PRDM10: variants seen among roughly 807,000 people sequenced by gnomAD.
The protein encoded by PRDM10 is PR domain zinc finger protein 10.
PRDM10 carries 65 observed loss-of-function variants against 133.1 expected under a neutral mutation model. The observed-to-expected ratio is 0.49, with a 90% confidence interval of 0.40 to 0.60. The LOEUF (loss-of-function observed/expected upper bound fraction) is 0.60, where lower values mean the gene tolerates loss of function less well. Among genes scored for constraint, PRDM10 ranks in the 20% least tolerant of loss-of-function variants. The pLI is 0.00. For missense variants in PRDM10, 1,137 were observed against 1,507.1 expected (o/e 0.75, Z 4.07); for synonymous variants, 582 against 580.4 (o/e 1.00, Z -0.04).
intron 1 of PRDM10, among the ~76,000 whole-genome samples, chr11:129,978,604 G>A (rs939375196): frequency 6.6e-6 from 1 of 152,218 alleles, no homozygotes; most frequent in African/African-American, 2.4e-5. Context: ...GCAGGTCTGA[G>A]ACGGTGACCT....
chr11:129,979,423 G>A (rs569105994), intron 1 of PRDM10, among the ~76,000 whole-genome samples: 7 of 152,276 alleles, frequency 4.6e-5, no homozygotes, highest in East Asian at 3.9e-4. Context: ...GCAGAGCAGC[G>A]CAGTTCGGAG....
chr11:129,964,989 A>G (rs551771186), intron 1 of PRDM10, among the ~76,000 whole-genome samples: 2 of 152,338 alleles, frequency 1.3e-5, no homozygotes, highest in South Asian at 4.1e-4. Context: ...CAGAATTTTC[A>G]AAACATTTTA....
intron 17 of PRDM10, among the ~76,000 whole-genome samples, chr11:129,913,026 C>A (rs554692995): frequency 6.6e-6 from 1 of 150,472 alleles, no homozygotes; most frequent in East Asian, 2.0e-4. Flanking sequence ...TGCCACTGGA[C>A]TCTAGCCCGG....
At chr11:129,907,083 A>G (rs146959806) in intron 19 of PRDM10, among the ~76,000 whole-genome samples, 20 of 152,284 alleles carry the variant, frequency 1.3e-4, no homozygotes, top group Non-Finnish European at 8.8e-5. Flanking sequence ...ACAAGAAGAG[A>G]GATGCCTGAA....
chr11:129,947,646 T>A lies in PRDM10; in HGVS notation c.295-276A>T. 1 of 1,064,930 alleles carries A rather than the reference T, an allele frequency of 9.4e-7. No homozygotes were observed. The highest frequency in any genetic ancestry group is 1.3e-6 in the Non-Finnish European group (1 of 778,192). 66.0% of individuals were successfully genotyped at this position (1,064,930 alleles called of 1,614,324 possible). On this transcript the variant is annotated intron_variant, in intron 4 of 20. Coordinates refer to ENST00000360871, the MANE Select transcript of PRDM10 (RefSeq NM_199437.2). This position sits in a 1 kb window ranked among gnomAD's most constrained non-coding sequence, Gnocchi z 4.6. ...CTGCTAAGAAGGCTCAGGTGCTCCCTCCTTTGGCAGCAGTGGGAGAGTCAA... is the reference window on the plus strand; with the variant it reads ...CTGCTAAGAAGGCTCAGGTGCTCCCACCTTTGGCAGCAGTGGGAGAGTCAA...
At chr11:129,985,780 C>CAAAAA (rs1159728991) in intron 1 of PRDM10, among the ~76,000 whole-genome samples, 10 of 26,752 alleles carry the variant, frequency 3.7e-4, no homozygotes, top group East Asian at 1.2e-3. Flanking sequence ...AAACCCTGTC[C>CAAAAA]AAAAAAAAAA....
intron 16 of PRDM10, among the ~76,000 whole-genome samples, 158 bp downstream of exon 16, chr11:129,915,502 C>T (rs1236137687): frequency 6.6e-6 from 1 of 152,234 alleles, no homozygotes; most frequent in African/African-American, 2.4e-5. Context: ...CCATTCTCTG[C>T]TGTGCTCTCT....
chr11:129,929,705 T>G (rs969630101), intron 11 of PRDM10, among the ~76,000 whole-genome samples: 5 of 149,534 alleles, frequency 3.3e-5, no homozygotes, highest in Non-Finnish European at 7.4e-5. Flanking sequence ...ACTGTGTTTG[T>G]GCATCCACAA....
intron 20 of PRDM10, among the ~76,000 whole-genome samples, chr11:129,904,332 C>T (rs1456371274): frequency 6.6e-6 from 1 of 151,856 alleles, no homozygotes; most frequent in African/African-American, 2.4e-5. Flanking sequence ...TATAATTAAA[C>T]AAATCAACCT....
In PRDM10 at chr11:129,969,685, T is replaced by C. The variant is rs569268667; in HGVS notation, c.-118-8603A>G. ...AGCCGGGCGTGGTGGTGCGTGCCTGTAATCCCAGCTACCCAGGAGGCTGAG... is the reference window on the plus strand; with the variant it reads ...AGCCGGGCGTGGTGGTGCGTGCCTGCAATCCCAGCTACCCAGGAGGCTGAG... On this transcript the variant is annotated intron_variant, in intron 1 of 20. Coordinates refer to ENST00000360871, the MANE Select transcript of PRDM10 (RefSeq NM_199437.2). Among the ~76,000 whole-genome samples, 6 of 150,620 alleles carry C rather than the reference T, an allele frequency of 4.0e-5. No homozygotes were observed. The South Asian group carries it at 1.3e-3, about 32-fold the overall frequency.
At position 129,902,321 on chromosome 11, in the gene PRDM10, T is replaced by C; in HGVS notation, c.3463A>G (p.Lys1155Glu). 1.2e-6 allele frequency: 2 copies of C among 1,614,018 alleles called. No individual in the cohort carries two copies. Among genetic ancestry groups the C allele is most frequent in the South Asian group, 2.2e-5 (2 of 91,070 alleles). ...AAGCTCCAGGGTGGAAGTCATGGTTTGGTGATATGCACTTCGCTGCTTCCG... is the reference window on the plus strand; with the variant it reads ...AAGCTCCAGGGTGGAAGTCATGGTTCGGTGATATGCACTTCGCTGCTTCCG... Reference protein sequence around the residue: ...GNGSSEVHITKP With the variant: ...GNGSSEVHITEP Residue 1155 changes from lysine (K) to glutamate (E), a missense_variant, in exon 21 of 21, where the codon AAA becomes GAA. Lys to Glu is a moderately conservative substitution (Grantham distance 56, BLOSUM62 1). This residue lies in a region of PRDM10 where 243 missense variants were observed against 259.2 expected (regional missense o/e 0.94). Transcript: ENST00000360871.
intron 1 of PRDM10, among the ~76,000 whole-genome samples, chr11:129,963,426 G>GAAGAGAAGAGAAGAGAAGAC (rs1951841433): frequency 1.3e-5 from 2 of 148,498 alleles, no homozygotes; most frequent in East Asian, 4.1e-4. Flanking sequence ...GAAGAGAAGA[G>GAAGAGAAGAGAAGAGAAGAC]AAGAGAAGAG....
At chr11:129,972,343 C>T (rs958297222) in intron 1 of PRDM10, among the ~76,000 whole-genome samples, 2 of 152,218 alleles carry the variant, frequency 1.3e-5, no homozygotes, top group Non-Finnish European at 2.9e-5. Context: ...GTGCCGAGAG[C>T]GAGCGAGGGC....
chr11:129,902,367 G>A lies in PRDM10; in HGVS notation c.3417C>T (p.Ile1139=), dbSNP rs1325310723. The change falls in exon 21 of 21, where the codon ATC becomes ATT. Residue 1139 remains isoleucine (I), a synonymous_variant. Coordinates refer to ENST00000360871, the MANE Select transcript of PRDM10 (RefSeq NM_199437.2). ...TTCCGTTCCCGTTGGTGGTGGTGGT[G>A]ATGATGTACTGTGTGGTCTGCTGTT... The part of the protein sequence containing the change: ...NSQQQTTQYI[I]TTTTNGNGSS... 5 of 1,614,134 alleles carry A rather than the reference G, an allele frequency of 3.1e-6. No individual in the cohort carries two copies. Among genetic ancestry groups the A allele is most frequent in the Admixed American group, 1.7e-5 (1 of 60,018 alleles).
chr11:129,954,015 A>G (rs1951646759), intron 4 of PRDM10, among the ~76,000 whole-genome samples: 1 of 149,560 alleles, frequency 6.7e-6, no homozygotes, highest in Admixed American at 6.7e-5. Context: ...ATTATAAAAA[A>G]TTATTAAAAT....
At chr11:129,966,257 C>A (rs2135936556) in intron 1 of PRDM10, among the ~76,000 whole-genome samples, 1 of 152,190 alleles carries the variant, frequency 6.6e-6, no homozygotes, top group Middle Eastern at 3.4e-3. Flanking sequence ...AACAAACAAA[C>A]AAACAAATAA....
intron 15 of PRDM10, 75 bp from the exon 16 acceptor site, chr11:129,915,935 AT>A: frequency 1.4e-6 from 2 of 1,408,824 alleles, no homozygotes. Flanking sequence ...TAACAATTTC[AT>A]TATAAGAAAA....
At chr11:129,995,273 A>C (rs1938985834) in intron 1 of PRDM10, among the ~76,000 whole-genome samples, 1 of 152,170 alleles carries the variant, frequency 6.6e-6, no homozygotes, top group South Asian at 2.1e-4. Context: ...ATTAATATAC[A>C]TCCCCTGCCT....
At position 129,900,344 on chromosome 11, in the gene PRDM10, AAAGAAGAAGAAG is replaced by A. The variant is rs57861880; in HGVS notation, c.*1957_*1968del. 5 of 151,132 alleles carry A rather than the reference AAAGAAGAAGAAG, an allele frequency of 3.3e-5. No homozygotes were observed. The highest frequency in any genetic ancestry group is 2.1e-4 in the South Asian group (1 of 4,772). 9.4% of individuals were successfully genotyped at this position (151,132 alleles called of 1,614,324 possible). A position where few individuals can be genotyped will look rare whatever the true frequency, so the allele number is the denominator to read the frequency against. ...AGAGTCTTTATTTCACTTAAGGACC[AAAGAAGAAGAAG>A]AAGAAGAAGAAGAAGAAGACAACTT... On this transcript the variant is annotated 3_prime_UTR_variant, in exon 21 of 21. Coordinates refer to ENST00000360871, the MANE Select transcript of PRDM10 (RefSeq NM_199437.2).
Sources: allele counts gnomAD v4.1 joint callset (sites outside exome capture counted in the v4.1 genomes callset), GRCh38; gene constraint gnomAD v4.1.1; regional missense constraint gnomAD v4.1.1; non-coding constraint Gnocchi (gnomAD v3.1); transcripts MANE v1.5; gene names NCBI Gene and HGNC (gene_info 2026-07-23, HGNC 2026-07-21).